The following OCA2 variants were observed in gnomAD, a reference collection of about 807,000 sequenced individuals.
OCA2 encodes OCA2 melanosomal transmembrane protein.
In OCA2, 77 loss-of-function variants were observed where a neutral mutation model predicts 100.2. That is an observed-to-expected ratio of 0.77 (90% CI 0.64 to 0.93). The LOEUF (loss-of-function observed/expected upper bound fraction) is 0.93. Ranked by LOEUF, OCA2 falls within the 40% of genes least tolerant of loss-of-function variation. OCA2 has a pLI of 0.00. For synonymous variants in OCA2, 432 were observed against 439.2 expected (o/e 0.98, Z 0.21); for missense variants, 1,062 against 1,089.1 (o/e 0.98, Z 0.35).
intron 22 of OCA2, among the ~76,000 whole-genome samples, chr15:27,850,763 A>T (rs991440673): frequency 7.2e-5 from 11 of 152,214 alleles, no homozygotes; most frequent in Admixed American, 3.3e-4. Context: ...TGATGTGTTG[A>T]TCTAAGATTC....
chr15:28,003,676 G>T (rs978584521), intron 9 of OCA2, among the ~76,000 whole-genome samples: 2 of 152,190 alleles, frequency 1.3e-5, no homozygotes, highest in Non-Finnish European at 2.9e-5. Flanking sequence ...CTGAGCCCGA[G>T]GTGTGTCAAT....
chr15:27,954,765 C>T (rs536853853), intron 17 of OCA2, among the ~76,000 whole-genome samples: 19 of 152,260 alleles, frequency 1.2e-4, no homozygotes, highest in Middle Eastern at 6.8e-3. Context: ...AGCACACTCA[C>T]GCATCCTATG....
At chr15:27,841,911 A>C (rs1273129457) in intron 23 of OCA2, among the ~76,000 whole-genome samples, 2 of 152,258 alleles carry the variant, frequency 1.3e-5, no homozygotes. Flanking sequence ...AGTGAAGTTC[A>C]ATAAAATGCG....
chr15:27,749,798 C>G, the OCA2 span, among the ~76,000 whole-genome samples: 8 of 152,052 alleles, frequency 5.3e-5, no homozygotes, highest in Non-Finnish European at 5.9e-5. Flanking sequence ...GTTATGCACG[C>G]TGAAAATTGT....
rs1046004758 is a variant in OCA2, at chr15:27,829,806, T to C, written c.2432+15153A>G. Among the ~76,000 whole-genome samples the C allele has an allele frequency of 7.9e-5, 12 of 152,240 alleles. 1 individual carries two copies. The South Asian group carries it at 1.4e-3, about 18-fold the overall frequency. On this transcript the variant is annotated intron_variant, in intron 23 of 23. Transcript: ENST00000354638. ...CACTTTGGCTGGTGCAGAAGATAGA[T>C]AGTGCCTGGAAAAAGTAGATTATGG...
the OCA2 span, among the ~76,000 whole-genome samples, chr15:27,734,257 A>G: frequency 2.1e-5 from 3 of 145,168 alleles, no homozygotes; most frequent in African/African-American, 7.8e-5. Context: ...TTGAACAACT[A>G]TCCATGCACA....
intron 1 of OCA2, among the ~76,000 whole-genome samples, chr15:28,085,673 G>A (rs2044765083): frequency 6.8e-6 from 1 of 147,032 alleles, no homozygotes; most frequent in African/African-American, 2.6e-5. Context: ...AGACTGCACT[G>A]TTGCATTCCT....
intron 23 of OCA2, among the ~76,000 whole-genome samples, chr15:27,840,841 T>C (rs938257030): frequency 1.3e-5 from 2 of 152,218 alleles, no homozygotes; most frequent in Non-Finnish European, 2.9e-5. Context: ...GCATAGGAGA[T>C]AATCTTTGAA....
chr15:27,887,373 C>T (rs2037265765), intron 19 of OCA2, among the ~76,000 whole-genome samples: 1 of 151,554 alleles, frequency 6.6e-6, no homozygotes, highest in African/African-American at 2.4e-5. Flanking sequence ...GGGCTTGTTC[C>T]TCCCTTGGAT....
chr15:28,072,589 C>CAAAAA (rs760224063), intron 2 of OCA2, among the ~76,000 whole-genome samples: 44 of 59,968 alleles, frequency 7.3e-4, no homozygotes, highest in African/African-American at 1.1e-3. Context: ...GATTCCGTCT[C>CAAAAA]AAAAAAAAAA....
chr15:27,861,230 G>T (rs2036118915), intron 21 of OCA2, among the ~76,000 whole-genome samples: 1 of 152,178 alleles, frequency 6.6e-6, no homozygotes, highest in Admixed American at 6.5e-5. Context: ...CAGCCTCAGG[G>T]GCTTGAGCAA....
At chr15:28,042,848 TTCTC>T (rs1215984791) in intron 2 of OCA2, among the ~76,000 whole-genome samples, 2 of 152,108 alleles carry the variant, frequency 1.3e-5, no homozygotes, top group Non-Finnish European at 2.9e-5. Flanking sequence ...TTTTTTCACT[TTCTC>T]TCTCTGCCAA....
intron 2 of OCA2, among the ~76,000 whole-genome samples, chr15:28,042,753 T>C (rs1328058270): frequency 1.3e-5 from 2 of 152,040 alleles, no homozygotes; most frequent in African/African-American, 4.8e-5. Context: ...TTCAAATGAA[T>C]TGCCAAACCA....
At chr15:27,837,879 G>A (rs1309779674) in intron 23 of OCA2, among the ~76,000 whole-genome samples, 5 of 132,750 alleles carry the variant, frequency 3.8e-5, no homozygotes, top group African/African-American at 8.5e-5. Context: ...AATGCCCCAC[G>A]ACTGAAAAAA....
chr15:27,891,886 T>A lies in OCA2; in HGVS notation c.2080-19964A>T, dbSNP rs368397320. 1.3e-3 allele frequency among the ~76,000 whole-genome samples: 195 copies of A among 152,142 alleles called. 2 individuals are homozygous for A. The highest frequency in any genetic ancestry group is 4.6e-3 in the African/African-American group (189 of 41,526). Reference sequence around the variant, plus strand: ...CCCAACTATATGCTGGAAAAAGATATGTTACACACAAAAAAAATCTAAGCA... The same window carrying A: ...CCCAACTATATGCTGGAAAAAGATAAGTTACACACAAAAAAAATCTAAGCA... On this transcript the variant is annotated intron_variant, in intron 19 of 23. Coordinates refer to ENST00000354638, the MANE Select transcript of OCA2 (RefSeq NM_000275.3).
chr15:27,906,977 C>T (rs1464997539), intron 19 of OCA2, among the ~76,000 whole-genome samples: 2 of 152,090 alleles, frequency 1.3e-5, no homozygotes, highest in African/African-American at 4.8e-5. Context: ...TTTTAACAAC[C>T]AGCTCTCACA....
chr15:28,026,690 T>G (rs754045845), intron 4 of OCA2, among the ~76,000 whole-genome samples: 11 of 152,088 alleles, frequency 7.2e-5, no homozygotes, highest in Non-Finnish European at 1.3e-4. Flanking sequence ...GTTGGGAAGA[T>G]GTATAGGATA....
At chr15:27,922,414 A>T (rs1455902555) in intron 19 of OCA2, among the ~76,000 whole-genome samples, 1 of 152,242 alleles carries the variant, frequency 6.6e-6, no homozygotes, top group East Asian at 1.9e-4. Flanking sequence ...CAATGGCAAC[A>T]GGAGGTGGCT....
intron 3 of OCA2, among the ~76,000 whole-genome samples, chr15:28,028,732 C>G (rs183404670): frequency 2.0e-5 from 3 of 152,276 alleles, no homozygotes; most frequent in South Asian, 4.1e-4. Flanking sequence ...GTCACCCAGG[C>G]TGGAGTGCAG....
Sources: allele counts gnomAD v4.1 joint callset (sites outside exome capture counted in the v4.1 genomes callset), GRCh38; gene constraint gnomAD v4.1.1; transcripts MANE v1.5; gene names NCBI Gene and HGNC (gene_info 2026-07-23, HGNC 2026-07-21).